ERAP2: variants seen among roughly 807,000 people sequenced by gnomAD.
ERAP2 encodes the protein leukocyte-derived arginine aminopeptidase.
A neutral mutation model predicts 111.1 loss-of-function variants in ERAP2; 118 were observed. The ratio of observed to expected loss-of-function variants is 1.06; its 90% CI spans 0.92 to 1.24. ERAP2 has a LOEUF of 1.24. Among genes scored for constraint, ERAP2 ranks in the 50% most tolerant of loss-of-function variants. ERAP2 has a pLI of 0.00. For missense variants in ERAP2, 1,131 were observed against 1,125.8 expected, an observed-to-expected ratio of 1.00 and a Z score of -0.07; for synonymous variants, 410 against 401.2, an observed-to-expected ratio of 1.02 and a Z score of -0.26.
chr5:96,892,321 T>C lies in ERAP2; in HGVS notation c.993T>C (p.Phe331=). The C allele has an allele frequency of 6.2e-7, 1 of 1,613,934 alleles. No individual in the cohort carries two copies. The highest frequency in any genetic ancestry group is 8.5e-7 in the Non-Finnish European group (1 of 1,179,854). ...SKLDLIAIPD[F]APGAMENWGL... ...TAGATTTAATTGCTATTCCTGACTTTGCACCTGGAGCCATGGAAAATTGGG... is the reference window on the plus strand; with the variant it reads ...TAGATTTAATTGCTATTCCTGACTTCGCACCTGGAGCCATGGAAAATTGGG... The change falls in exon 6 of 19, where the codon TTT becomes TTC. Residue 331 remains phenylalanine, a synonymous_variant. Coordinates refer to ENST00000437043, the MANE Select transcript of ERAP2 (RefSeq NM_022350.5).
At chr5:96,879,160 A>G (rs761548652) in intron 1 of ERAP2, among the ~76,000 whole-genome samples, 1 of 152,194 alleles carries the variant, frequency 6.6e-6, no homozygotes, top group Non-Finnish European at 1.5e-5. Flanking sequence ...TTGAGGCTGC[A>G]GTGAGCTGTG....
intron 13 of ERAP2, among the ~76,000 whole-genome samples, chr5:96,903,849 G>A (rs946304274): frequency 3.3e-5 from 5 of 152,090 alleles, no homozygotes; most frequent in African/African-American, 9.7e-5. Flanking sequence ...TATCCTGTGG[G>A]CCACAGGATA....
chr5:96,879,628 C>A lies in ERAP2; in HGVS notation c.-58C>A. The A allele has an allele frequency of 1.4e-6, 2 of 1,416,682 alleles. No homozygotes were observed. Among genetic ancestry groups the A allele is most frequent in the Non-Finnish European group, 9.9e-7 (1 of 1,010,660 alleles). The allele number at this position is 1,416,682 out of a possible 1,614,324, so 87.8% of individuals were successfully genotyped here. A position where few individuals can be genotyped will look rare whatever the true frequency, so the allele number is the denominator to read the frequency against. ...TGACATAACTGGAGCCAGTGCAGTG[C>A]CATGAAGAACTACGAGATTAGCCTG... On this transcript the variant is annotated 5_prime_UTR_variant, in exon 2 of 19. Transcript: ENST00000437043.
chr5:96,880,955 A>T (rs1783055508), intron 2 of ERAP2: 1 of 158,358 alleles, frequency 6.3e-6, no homozygotes, highest in Non-Finnish European at 1.4e-5. Flanking sequence ...CTGGGCAGGG[A>T]AGTGTTTGTT....
chr5:96,909,577 C>T lies in ERAP2; in HGVS notation c.2170-3C>T. 6.2e-7 allele frequency: 1 copy of T among 1,612,032 alleles called. No homozygotes were observed. Among genetic ancestry groups the T allele is most frequent in the Non-Finnish European group, 8.5e-7 (1 of 1,178,200 alleles). On this transcript the variant is annotated splice_polypyrimidine_tract_variant and splice_region_variant and intron_variant, in intron 14 of 18. Coordinates refer to ENST00000437043, the MANE Select transcript of ERAP2 (RefSeq NM_022350.5). ...TCTGTTAACCATCTCATATTTTCTG[C>T]AGCGTTACCTTCTTCAGTATTTTAA...
chr5:96,911,367 T>C (rs1786720448), intron 15 of ERAP2, among the ~76,000 whole-genome samples: 1 of 152,204 alleles, frequency 6.6e-6, no homozygotes, highest in African/African-American at 2.4e-5. Context: ...TCCGTTGACA[T>C]TTGGGATTAA....
chr5:96,907,169 G>GT (rs1313399674), intron 13 of ERAP2, among the ~76,000 whole-genome samples: 13 of 152,142 alleles, frequency 8.5e-5, no homozygotes, highest in South Asian at 4.1e-4. Context: ...TAAGGTTTAT[G>GT]TTTATATATG....
chr5:96,910,159 G>A (rs1040671385), intron 15 of ERAP2: 7 of 162,286 alleles, frequency 4.3e-5, no homozygotes, highest in Admixed American at 1.2e-4. Flanking sequence ...CAGCTACTTC[G>A]GAGGCTGAGG....
At chr5:96,877,084 C>G (rs962966929) in intron 1 of ERAP2, among the ~76,000 whole-genome samples, 1 of 152,190 alleles carries the variant, frequency 6.6e-6, no homozygotes, top group Non-Finnish European at 1.5e-5. Flanking sequence ...AAGCGATTCT[C>G]GTGCCTCAGC....
chr5:96,896,628 T>C, intron 8 of ERAP2, 104 bp from the exon 9 acceptor site: 1 of 1,430,410 alleles, frequency 7.0e-7, no homozygotes, highest in East Asian at 2.4e-5. Flanking sequence ...TTGTTCACTT[T>C]TCAGACATCA....
chr5:96,887,073 G>GTGTATA (rs1554055535), intron 4 of ERAP2, among the ~76,000 whole-genome samples: 29 of 87,162 alleles, frequency 3.3e-4, no homozygotes, highest in African/African-American at 1.2e-3. Flanking sequence ...AATTTTCAAA[G>GTGTATA]TATATATATA....
At chr5:96,891,168 A>G (rs1250864227) in intron 5 of ERAP2, among the ~76,000 whole-genome samples, 1 of 152,178 alleles carries the variant, frequency 6.6e-6, no homozygotes, top group African/African-American at 2.4e-5. Context: ...CAATGTAATT[A>G]TAAGCCAAGT....
At chr5:96,878,283 C>T (rs1350061965) in intron 1 of ERAP2, among the ~76,000 whole-genome samples, 3 of 152,100 alleles carry the variant, frequency 2.0e-5, no homozygotes, top group African/African-American at 7.2e-5. Flanking sequence ...TGGCTTTTGA[C>T]ATATTGAAAA....
chr5:96,885,724 AGTTGTGACTAGCTT>A (rs767716375), intron 3 of ERAP2, among the ~76,000 whole-genome samples: 3,702 of 152,290 alleles, frequency 0.024, 54 homozygotes, highest in Non-Finnish European at 0.036. Flanking sequence ...CCTGTCTAGG[AGTTGTGACTAGCTT>A]GAAGAAAATG....
intron 13 of ERAP2, among the ~76,000 whole-genome samples, chr5:96,904,708 C>T (rs1785854760): frequency 6.6e-6 from 1 of 152,082 alleles, no homozygotes; most frequent in South Asian, 2.1e-4. Context: ...CAATGCAAGA[C>T]TTGGAAAAAA....
chr5:96,897,393 C>T (rs1026818984), intron 9 of ERAP2, among the ~76,000 whole-genome samples: 1 of 152,202 alleles, frequency 6.6e-6, no homozygotes, highest in Non-Finnish European at 1.5e-5. Flanking sequence ...TTCACCTCCT[C>T]CTTACAGACT....
intron 10 of ERAP2, 151 bp downstream of exon 10, chr5:96,900,340 A>G: frequency 2.4e-6 from 3 of 1,271,226 alleles, no homozygotes; most frequent in Non-Finnish European, 3.1e-6. Context: ...ACTGAAGGGG[A>G]AATGCTTGGG....
intron 15 of ERAP2, among the ~76,000 whole-genome samples, chr5:96,910,688 T>C (rs1472433631): frequency 3.3e-5 from 5 of 152,240 alleles, no homozygotes; most frequent in African/African-American, 9.6e-5. Context: ...GAAAATATTC[T>C]AGGTAAACTT....
In ERAP2 at chr5:96,879,746, G is replaced by T. The variant is rs1782940701; in HGVS notation, c.61G>T (p.Gly21Ter). 1 of 1,614,000 alleles carries T rather than the reference G, an allele frequency of 6.2e-7. No individual in the cohort carries two copies. Among genetic ancestry groups the T allele is most frequent in the Admixed American group, 1.7e-5 (1 of 59,992 alleles). Reference sequence around the variant, plus strand: ...AAAACCAATGTTTAACATTCACAGAGGATTTTACTGCTTAACAGCCATCTT... The same window carrying T: ...AAAACCAATGTTTAACATTCACAGATGATTTTACTGCTTAACAGCCATCTT... ...HRKPMFNIHR[G>*]FYCLTAILPQ... Residue 21 changes from glycine to a stop codon, truncating the protein, a stop_gained, in exon 2 of 19, where the codon GGA becomes TGA. Transcript: ENST00000437043. LOFTEE classifies it high-confidence loss of function.
Sources: allele counts gnomAD v4.1 joint callset (sites outside exome capture counted in the v4.1 genomes callset), GRCh38; gene constraint gnomAD v4.1.1; transcripts MANE v1.5; gene names NCBI Gene and HGNC (gene_info 2026-07-23, HGNC 2026-07-21).